Variants in SLC15A3 observed in about 807,000 individuals in gnomAD.
The protein encoded by SLC15A3 is solute carrier family 15 member 3.
Under a neutral mutation model 49.2 loss-of-function variants are expected in SLC15A3, and 39 were observed. That is an observed-to-expected ratio of 0.79 (90% CI 0.61 to 1.04). SLC15A3 has a LOEUF of 1.04. SLC15A3 is among the 50% of genes least tolerant of loss of function. SLC15A3 has a pLI of 0.00. For missense variants in SLC15A3, 758 were observed against 794.8 expected (o/e 0.95, Z 0.56); for synonymous variants, 339 against 367.0 (o/e 0.92, Z 0.87).
chr11:60,949,484 GGAA>G (rs1856861864), intron 1 of SLC15A3, among the ~76,000 whole-genome samples: 3 of 138,466 alleles, frequency 2.2e-5, no homozygotes, highest in Non-Finnish European at 4.6e-5. Flanking sequence ...GAGAAAGAAA[GGAA>G]GAAAGAAAGA....
chr11:60,942,012 C>A (rs1389551453), intron 4 of SLC15A3, 23 bp downstream of exon 4: 6 of 1,607,206 alleles, frequency 3.7e-6, no homozygotes, highest in Non-Finnish European at 5.1e-6. Flanking sequence ...AACTGGGTGC[C>A]GAACACATGC....
chr11:60,942,302 T>G, intron 3 of SLC15A3, 157 bp from the exon 4 acceptor site: 2 of 616,984 alleles, frequency 3.2e-6, no homozygotes, highest in Non-Finnish European at 5.8e-6. Flanking sequence ...TCCTTTCTCC[T>G]AGGTAGCTGG....
At chr11:60,946,922 G>T in intron 1 of SLC15A3, 101 bp from the exon 2 acceptor site, 3 of 1,333,886 alleles carry the variant, frequency 2.2e-6, no homozygotes, top group South Asian at 3.0e-5. Flanking sequence ...GGGTCAGTGG[G>T]TGGTGGGCGT....
At chr11:60,946,970 T>C (rs1856814531) in intron 1 of SLC15A3, 149 bp from the exon 2 acceptor site, 5 of 843,146 alleles carry the variant, frequency 5.9e-6, no homozygotes, top group Non-Finnish European at 9.0e-6. Flanking sequence ...AAACAGATGC[T>C]CAGTAAATAT....
Position 60,941,389 on chromosome 11 carries a change from G to A in SLC15A3, c.1108-99C>T, listed in dbSNP as rs546905296. 96 of 1,274,332 alleles carry A rather than the reference G, an allele frequency of 7.5e-5. No homozygotes were observed. In the African/African-American group the frequency reaches 1.3e-3, roughly 17 times the overall value. The allele number at this position is 1,274,332 out of a possible 1,614,324, so 78.9% of individuals were successfully genotyped here. A position where few individuals can be genotyped will look rare whatever the true frequency, so the allele number is the denominator to read the frequency against. ...TCTAGACTGGCCCTGGGTGACCCTG[G>A]GGTCCAGCTCCTTTCCCTCTCTGGA... On this transcript the variant is annotated intron_variant, in intron 4 of 7. Coordinates refer to ENST00000227880, the MANE Select transcript of SLC15A3 (RefSeq NM_016582.3).
At chr11:60,945,754 G>C (rs1331138215) in intron 2 of SLC15A3, among the ~76,000 whole-genome samples, 1 of 152,170 alleles carries the variant, frequency 6.6e-6, no homozygotes, top group Non-Finnish European at 1.5e-5. Flanking sequence ...AATGAGGAGG[G>C]AGCGAGTTTG....
chr11:60,943,846 C>A lies in SLC15A3; in HGVS notation c.849-10G>T, dbSNP rs1210952888. 1 of 1,531,568 alleles carries A rather than the reference C, an allele frequency of 6.5e-7. No homozygotes were observed. The highest frequency in any genetic ancestry group is 8.8e-7 in the Non-Finnish European group (1 of 1,132,812). 94.9% of individuals were successfully genotyped at this position (1,531,568 alleles called of 1,614,324 possible). On this transcript the variant is annotated splice_polypyrimidine_tract_variant and intron_variant, in intron 2 of 7. Coordinates refer to ENST00000227880, the MANE Select transcript of SLC15A3 (RefSeq NM_016582.3). ...GGCACATTGACGGTCTCTGTGAGAC[C>A]CCAGAGGCAGCAGATAAAACAACAG...
At position 60,941,329 on chromosome 11, in the gene SLC15A3, T is replaced by C. The variant is rs533265152; in HGVS notation, c.1108-39A>G. 8 of 1,585,474 alleles carry C rather than the reference T, an allele frequency of 5.0e-6. No homozygotes were observed. In the East Asian group the frequency reaches 1.6e-4, roughly 32 times the overall value. ...AGTCAGGAGAGGCAGGCTAGCAGAG[T>C]GCAAGGAGCCTGGCTGCAGTCAGGA... On this transcript the variant is annotated intron_variant, in intron 4 of 7. Transcript: ENST00000227880.
At chr11:60,942,394 G>A (rs1423138053) in intron 3 of SLC15A3, 5 of 426,904 alleles carry the variant, frequency 1.2e-5, no homozygotes, top group East Asian at 8.9e-5. Context: ...AGGCACAGCT[G>A]GTCTGACTAG....
chr11:60,946,617 G>T lies in SLC15A3; in HGVS notation c.763C>A (p.Pro255Thr). The T allele has an allele frequency of 6.2e-7, 1 of 1,613,888 alleles. No individual in the cohort carries two copies. The highest frequency in any genetic ancestry group is 8.5e-7 in the Non-Finnish European group (1 of 1,179,782). The change falls in exon 2 of 8, where the codon CCC becomes ACC. Residue 255 changes from proline (P) to threonine (T), a missense_variant. By Grantham distance (38) the Pro-to-Thr change is conservative. Around this residue, in one of 3 missense-constraint regions of SLC15A3, gnomAD observed 699 missense variants for 706.7 expected, o/e 0.99. Coordinates refer to ENST00000227880, the MANE Select transcript of SLC15A3 (RefSeq NM_016582.3). ...LFATPVFITK[P>T]PMGSQVSSML... The stretch of plus-strand genomic sequence containing the variant: ...GAGGACACTTGGCTGCCCATCGGGG[G>T]CTTGGTGATGAAGACGGGGGTGGCA...
At position 60,951,440 on chromosome 11, in the gene SLC15A3, C is replaced by A; in HGVS notation, c.112G>T (p.Val38Leu). The change falls in exon 1 of 8, where the codon GTG becomes TTG. Residue 38 changes from valine to leucine, a missense_variant. By Grantham distance (32) the Val-to-Leu change is conservative. Transcript: ENST00000227880. ...RRWRRAAGAA[V>L]LLVEMLERAA... ...CGCTCCAGCATCTCCACCAGCAGCA[C>A]GGCCGCGCCCGCCGCCCGCCGCCAC... 1.4e-6 allele frequency: 2 copies of A among 1,446,324 alleles called. No individual in the cohort carries two copies. The highest frequency in any genetic ancestry group is 1.5e-5 in the African/African-American group (1 of 67,326). 89.6% of individuals were successfully genotyped at this position (1,446,324 alleles called of 1,614,324 possible).
chr11:60,948,774 A>G (rs1348887317), intron 1 of SLC15A3, among the ~76,000 whole-genome samples: 1 of 152,116 alleles, frequency 6.6e-6, no homozygotes, highest in East Asian at 1.9e-4. Context: ...AGCCAAGGGG[A>G]GAACGTACAG....
rs530599179 is a variant in SLC15A3, at chr11:60,946,938, C to T, written c.559-117G>A. 1.7e-5 allele frequency: 19 copies of T among 1,110,010 alleles called. No homozygotes were observed. The African/African-American group carries it at 2.8e-4, about 16-fold the overall frequency. The allele number at this position is 1,110,010 out of a possible 1,614,324, so 68.8% of individuals were successfully genotyped here. On this transcript the variant is annotated intron_variant, in intron 1 of 7. Transcript: ENST00000227880. ...GGTCAGTGGGTGGTGGGCGTTCCGACACTTTCCCAGTCTCTGATCACAAAC... is the reference window on the plus strand; with the variant it reads ...GGTCAGTGGGTGGTGGGCGTTCCGATACTTTCCCAGTCTCTGATCACAAAC...
chr11:60,939,514 G>A lies in SLC15A3; in HGVS notation c.1401C>T (p.Leu467=). ...SIWWQIPQYL[L]IGISEIFASI... Reference sequence around the variant, plus strand: ...TGGCAAAGATCTCACTGATCCCAATGAGCAGGTACTGAGGGATCTGCCACC... The same window carrying A: ...TGGCAAAGATCTCACTGATCCCAATAAGCAGGTACTGAGGGATCTGCCACC... Residue 467 remains leucine (L), a synonymous_variant, in exon 6 of 8, where the codon CTC becomes CTT. Transcript: ENST00000227880. 2 of 1,614,212 alleles carry A rather than the reference G, an allele frequency of 1.2e-6. No individual in the cohort carries two copies. The highest frequency in any genetic ancestry group is 1.7e-6 in the Non-Finnish European group (2 of 1,180,024).
intron 2 of SLC15A3, among the ~76,000 whole-genome samples, chr11:60,945,781 G>A (rs957869853): frequency 2.0e-5 from 3 of 152,140 alleles, no homozygotes; most frequent in Non-Finnish European, 2.9e-5. Context: ...TTCCTAAGAC[G>A]CTGTGATGGT....
intron 1 of SLC15A3, among the ~76,000 whole-genome samples, chr11:60,947,521 A>C (rs189992899): frequency 6.6e-6 from 1 of 152,170 alleles, no homozygotes; most frequent in Admixed American, 6.5e-5. Context: ...ATAAGATCTC[A>C]GTTTTATTGC....
At chr11:60,949,552 GAAAGAA>G (rs1856873081) in intron 1 of SLC15A3, among the ~76,000 whole-genome samples, 1 of 76,968 alleles carries the variant, frequency 1.3e-5, no homozygotes, top group African/African-American at 2.8e-5. Context: ...AAGAAAGAAA[GAAAGAA>G]AGAAAGAAAG....
At chr11:60,947,216 GT>G (rs1856817380) in intron 1 of SLC15A3, among the ~76,000 whole-genome samples, 1 of 150,086 alleles carries the variant, frequency 6.7e-6, no homozygotes, top group African/African-American at 2.5e-5. Context: ...GTCTTGCTCT[GT>G]TGCCCAGGCT....
chr11:60,951,222 G>C lies in SLC15A3; in HGVS notation c.330C>G (p.Leu110=), dbSNP rs1351958563. Residue 110 remains leucine (L), a synonymous_variant, in exon 1 of 8, where the codon CTC becomes CTG. Coordinates refer to ENST00000227880, the MANE Select transcript of SLC15A3 (RefSeq NM_016582.3). ...GCAGCAGGCCCGAGGCGGCCAGGTAGAGCAGCAGGCTGAGCGCGACCGCGC... is the reference window on the plus strand; with the variant it reads ...GCAGCAGGCCCGAGGCGGCCAGGTACAGCAGCAGGCTGAGCGCGACCGCGC... ...RYRAVALSLL[L]YLAASGLLPA... 2 of 1,508,476 alleles carry C rather than the reference G, an allele frequency of 1.3e-6. No homozygotes were observed. The highest frequency in any genetic ancestry group is 2.5e-5 in the South Asian group (2 of 80,810). The allele number at this position is 1,508,476 out of a possible 1,614,324, so 93.4% of individuals were successfully genotyped here.
Sources: allele counts gnomAD v4.1 joint callset (sites outside exome capture counted in the v4.1 genomes callset), GRCh38; gene constraint gnomAD v4.1.1; regional missense constraint gnomAD v4.1.1; transcripts MANE v1.5; gene names NCBI Gene and HGNC (gene_info 2026-07-23, HGNC 2026-07-21).